Variants in SHROOM3 observed in about 807,000 individuals in gnomAD.
SHROOM3 encodes the protein shroom family member 3.
A neutral mutation model predicts 138.6 loss-of-function variants in SHROOM3; 47 were observed. That is an observed-to-expected ratio of 0.34 (90% CI 0.27 to 0.43). The LOEUF is 0.43. SHROOM3 is among the 20% of genes least tolerant of loss of function. The pLI is 1.00. For missense variants in SHROOM3, 2,491 were observed against 2,596.5 expected (o/e 0.96, Z 0.88); for synonymous variants, 1,062 against 1,063.3 (o/e 1.00, Z 0.02).
At chr4:76,657,164 C>T (rs571466214) in intron 2 of SHROOM3, among the ~76,000 whole-genome samples, 76 of 149,932 alleles carry the variant, frequency 5.1e-4, no homozygotes, top group Admixed American at 7.3e-4. Context: ...GCAACAAGAG[C>T]GAAACTCTCT....
chr4:76,505,823 T>C (rs1378406163), intron 1 of SHROOM3, among the ~76,000 whole-genome samples: 1 of 151,822 alleles, frequency 6.6e-6, no homozygotes, highest in Non-Finnish European at 1.5e-5. Flanking sequence ...GCCTGGCTAA[T>C]TTATTATTAT....
chr4:76,770,579 T>C lies in SHROOM3; in HGVS notation c.5350-47T>C, dbSNP rs375587254. The C allele has an allele frequency of 1.9e-6, 3 of 1,609,210 alleles. No homozygotes were observed. The African/African-American group carries it at 4.0e-5, about 21-fold the overall frequency. ...TGGGGGAGGTGACTTCTGCTTCCAC[T>C]GGCACCTCCTGTTGGCTGATCTTTG... On this transcript the variant is annotated intron_variant, in intron 9 of 10. Coordinates refer to ENST00000296043, the MANE Select transcript of SHROOM3 (RefSeq NM_020859.4).
intron 2 of SHROOM3, among the ~76,000 whole-genome samples, chr4:76,606,844 G>A (rs1193228706): frequency 6.6e-6 from 1 of 152,126 alleles, no homozygotes; most frequent in East Asian, 1.9e-4. Flanking sequence ...TGGGTAGCTG[G>A]CAGGAGTCCA....
intron 2 of SHROOM3, among the ~76,000 whole-genome samples, chr4:76,670,559 T>A (rs28583649): frequency 0.33 from 49,718 of 151,910 alleles, 8,459 homozygotes; most frequent in East Asian, 0.43. Context: ...TACTTTTTTT[T>A]AAAAAAGGCA....
chr4:76,543,921 C>T (rs10027450), intron 1 of SHROOM3, among the ~76,000 whole-genome samples: 22,911 of 152,156 alleles, frequency 0.15, 2,044 homozygotes, highest in East Asian at 0.29. Flanking sequence ...AACCAAACAC[C>T]AAGCAATTTA....
intron 1 of SHROOM3, among the ~76,000 whole-genome samples, chr4:76,509,039 A>C (rs1286398942): frequency 2.6e-5 from 4 of 152,080 alleles, no homozygotes; most frequent in African/African-American, 9.7e-5. Flanking sequence ...TGACTTAATC[A>C]CTTCCCAAAA....
At chr4:76,535,603 G>T (rs556736965) in intron 1 of SHROOM3, among the ~76,000 whole-genome samples, 2 of 152,140 alleles carry the variant, frequency 1.3e-5, no homozygotes, top group Non-Finnish European at 2.9e-5. Flanking sequence ...AACCAGATGT[G>T]CCCAAACATT....
intron 2 of SHROOM3, among the ~76,000 whole-genome samples, chr4:76,596,384 C>T (rs1364832344): frequency 2.6e-5 from 4 of 152,032 alleles, no homozygotes. Context: ...CGTACTCCAG[C>T]CTGGGCAACA....
intron 3 of SHROOM3, among the ~76,000 whole-genome samples, chr4:76,730,206 A>G (rs1267485884): frequency 6.6e-6 from 1 of 152,256 alleles, no homozygotes; most frequent in African/African-American, 2.4e-5. Flanking sequence ...AGTTGAAGTC[A>G]TTGACTTGCA....
intron 1 of SHROOM3, among the ~76,000 whole-genome samples, chr4:76,538,146 G>A (rs777168059): frequency 5.9e-5 from 9 of 152,144 alleles, no homozygotes; most frequent in Non-Finnish European, 1.2e-4. Context: ...TGATCTGCCC[G>A]CCTGAGCCTC....
intron 5 of SHROOM3, among the ~76,000 whole-genome samples, chr4:76,743,586 TTTC>T (rs775286423): frequency 5.9e-5 from 9 of 152,282 alleles, no homozygotes; most frequent in South Asian, 2.1e-4. Flanking sequence ...AACCTTCTAT[TTTC>T]TTCTCCTTTA....
chr4:76,771,628 G>A (rs34384644), intron 10 of SHROOM3, among the ~76,000 whole-genome samples: 8,953 of 152,194 alleles, frequency 0.059, 294 homozygotes, highest in Non-Finnish European at 0.071. Context: ...CCCCCTCCTC[G>A]AAGGGAGGGT....
intron 2 of SHROOM3, among the ~76,000 whole-genome samples, chr4:76,637,150 C>A (rs568969167): frequency 1.6e-4 from 25 of 152,302 alleles, no homozygotes; most frequent in African/African-American, 6.0e-4. Flanking sequence ...CCTTTGAATT[C>A]ATTCCTGGAT....
At chr4:76,757,470 C>G (rs571334820) in intron 8 of SHROOM3, among the ~76,000 whole-genome samples, 133 of 152,278 alleles carry the variant, frequency 8.7e-4, no homozygotes, top group African/African-American at 3.1e-3. Flanking sequence ...CCTCAGAGCT[C>G]GGTGCTGGGA....
intron 2 of SHROOM3, among the ~76,000 whole-genome samples, chr4:76,556,654 A>G (rs566739719): frequency 8.1e-4 from 124 of 152,372 alleles, no homozygotes; most frequent in African/African-American, 2.5e-3. Flanking sequence ...CTCACATAGC[A>G]GCTAATGTTA....
rs181153288 is a variant in SHROOM3, at chr4:76,572,709, G to A, written c.323+16946G>A. 1.3e-3 allele frequency among the ~76,000 whole-genome samples: 191 copies of A among 152,242 alleles called. 1 individual carries two copies. The highest frequency in any genetic ancestry group is 5.9e-4 in the Admixed American group (9 of 15,292). ...CAGCTCTAGCAGTATAACAGTGTAC[G>A]GGTTTGCCCCTTTATGGTTTGTGGG... On this transcript the variant is annotated intron_variant, in intron 2 of 10. Transcript: ENST00000296043.
intron 4 of SHROOM3, among the ~76,000 whole-genome samples, chr4:76,733,529 CACAA>C (rs1720944074): frequency 6.6e-6 from 1 of 152,218 alleles, no homozygotes; most frequent in African/African-American, 2.4e-5. Context: ...TGTGGTGCAG[CACAA>C]ACAAACCATG....
chr4:76,498,544 A>G (rs943851672), intron 1 of SHROOM3, among the ~76,000 whole-genome samples: 1 of 152,118 alleles, frequency 6.6e-6, no homozygotes, highest in African/African-American at 2.4e-5. Flanking sequence ...TAGAAGTGGT[A>G]TGTTTTCATT....
intron 1 of SHROOM3, among the ~76,000 whole-genome samples, chr4:76,480,216 C>T (rs563983714): frequency 6.6e-6 from 1 of 152,290 alleles, no homozygotes; most frequent in African/African-American, 2.4e-5. Flanking sequence ...AGTCAAGACC[C>T]ATCGGTGTGC....
Sources: allele counts gnomAD v4.1 joint callset (sites outside exome capture counted in the v4.1 genomes callset), GRCh38; gene constraint gnomAD v4.1.1; transcripts MANE v1.5; gene names NCBI Gene and HGNC (gene_info 2026-07-23, HGNC 2026-07-21).